NXPE2: variants seen among roughly 807,000 people sequenced by gnomAD.
The protein encoded by NXPE2 is NXPE family member 2.
A neutral mutation model predicts 34.4 loss-of-function variants in NXPE2; 34 were observed. That is an observed-to-expected ratio of 0.99 (90% CI 0.75 to 1.31). NXPE2 has a LOEUF of 1.31. NXPE2 is among the 40% of genes most tolerant of loss of function. The pLI, the probability that NXPE2 is intolerant of heterozygous loss-of-function variation, is 0.00. For synonymous variants in NXPE2, 235 were observed against 231.3 expected (o/e 1.02, Z -0.15); for missense variants, 649 against 672.5 (o/e 0.97, Z 0.39).
the NXPE2 span, among the ~76,000 whole-genome samples, chr11:114,467,255 A>G: frequency 6.6e-6 from 1 of 152,174 alleles, no homozygotes; most frequent in Non-Finnish European, 1.5e-5. Context: ...GTGGTGGTAA[A>G]AAATTTGCAG....
At chr11:114,585,185 C>T in the NXPE2 span, among the ~76,000 whole-genome samples, 1,440 of 151,788 alleles carry the variant, frequency 9.5e-3, 13 homozygotes, top group Non-Finnish European at 0.014. Context: ...ATCTGTCTTC[C>T]CCCAGTTCTG....
chr11:114,757,436 C>T, the NXPE2 span, among the ~76,000 whole-genome samples: 1 of 151,912 alleles, frequency 6.6e-6, no homozygotes, highest in African/African-American at 2.4e-5. Flanking sequence ...GTAACAGAAG[C>T]TCTTTCTTCC....
At chr11:114,633,956 A>G in the NXPE2 span, among the ~76,000 whole-genome samples, 2 of 152,024 alleles carry the variant, frequency 1.3e-5, no homozygotes, top group South Asian at 2.1e-4. Flanking sequence ...AGCATGATTT[A>G]TAGCCCTTTG....
At chr11:114,472,901 T>C in the NXPE2 span, among the ~76,000 whole-genome samples, 13 of 152,324 alleles carry the variant, frequency 8.5e-5, no homozygotes, top group Middle Eastern at 6.8e-3. Flanking sequence ...GGGGTTGTTT[T>C]GTTTTAAATG....
chr11:114,746,483 T>C, the NXPE2 span, among the ~76,000 whole-genome samples: 1 of 152,086 alleles, frequency 6.6e-6, no homozygotes, highest in African/African-American at 2.4e-5. Flanking sequence ...AAACATAAAT[T>C]CAAAGAACCA....
chr11:114,725,976 A>AAAAAATATATATATATATATATATATAT, the NXPE2 span, among the ~76,000 whole-genome samples: 6 of 101,746 alleles, frequency 5.9e-5, no homozygotes, highest in East Asian at 7.3e-4. Context: ...ATAAAAAAAA[A>AAAAAATATATATATATATATATATATAT]ATATATATAT....
the NXPE2 span, among the ~76,000 whole-genome samples, chr11:114,588,936 G>A: frequency 6.6e-6 from 1 of 152,160 alleles, no homozygotes; most frequent in Non-Finnish European, 1.5e-5. Flanking sequence ...GCATTTTGGA[G>A]AACCTCCTGA....
chr11:114,541,334 G>A, the NXPE2 span, among the ~76,000 whole-genome samples: 2 of 152,076 alleles, frequency 1.3e-5, no homozygotes, highest in African/African-American at 4.8e-5. Context: ...GATCAGACAA[G>A]GACTATGAAA....
the NXPE2 span, among the ~76,000 whole-genome samples, chr11:114,790,559 T>C: frequency 6.6e-6 from 1 of 152,146 alleles, no homozygotes; most frequent in Non-Finnish European, 1.5e-5. Context: ...CTATCCCCAA[T>C]TTCCCAGAAT....
At chr11:114,687,821 G>T (rs1028468114) in intron 2 of NXPE2, among the ~76,000 whole-genome samples, 1 of 151,772 alleles carries the variant, frequency 6.6e-6, no homozygotes, top group African/African-American at 2.4e-5. Context: ...CACCTCCTTG[G>T]TTAGATGTAT....
In NXPE2 at chr11:114,698,585, T is replaced by C; in HGVS notation, c.673T>C (p.Ser225Pro). 1.9e-6 allele frequency: 3 copies of C among 1,614,170 alleles called. No individual in the cohort carries two copies. Among genetic ancestry groups the C allele is most frequent in the Non-Finnish European group, 2.5e-6 (3 of 1,180,022 alleles). The change falls in exon 3 of 6, where the codon TCC (serine) becomes CCC (proline). Residue 225 changes from serine to proline, a missense_variant. Ser to Pro is a moderately conservative substitution (Grantham distance 74). Transcript: ENST00000389586. Reference protein sequence around the residue: ...IFTGLFANRSSNVFTECGLTL... With the variant: ...IFTGLFANRSPNVFTECGLTL... ...CACTGGCCTGTTTGCCAACAGAAGCTCCAATGTCTTCACTGAATGTGGCCT... is the reference window on the plus strand; with the variant it reads ...CACTGGCCTGTTTGCCAACAGAAGCCCCAATGTCTTCACTGAATGTGGCCT...
chr11:114,802,297 C>T, the NXPE2 span, among the ~76,000 whole-genome samples: 1 of 152,208 alleles, frequency 6.6e-6, no homozygotes, highest in Non-Finnish European at 1.5e-5. Flanking sequence ...TCTTTCAACT[C>T]AGTCTAATTC....
chr11:114,600,517 T>C, the NXPE2 span, among the ~76,000 whole-genome samples: 1 of 152,104 alleles, frequency 6.6e-6, no homozygotes, highest in African/African-American at 2.4e-5. Flanking sequence ...AATGTAATTA[T>C]GAGAAAATTT....
chr11:114,471,294 G>A, the NXPE2 span, among the ~76,000 whole-genome samples: 1 of 150,806 alleles, frequency 6.6e-6, no homozygotes, highest in South Asian at 2.1e-4. Context: ...TCTATTTTGA[G>A]TTAATTTTTG....
the NXPE2 span, among the ~76,000 whole-genome samples, chr11:114,808,829 C>A: frequency 6.6e-6 from 1 of 152,156 alleles, no homozygotes; most frequent in Admixed American, 6.6e-5. Context: ...GGGAATCCTG[C>A]CTAACTCATT....
the NXPE2 span, among the ~76,000 whole-genome samples, chr11:114,665,149 C>T: frequency 6.6e-6 from 1 of 152,080 alleles, no homozygotes; most frequent in Non-Finnish European, 1.5e-5. Context: ...CTTGCCACAT[C>T]TTTCCCATGT....
chr11:114,693,431 T>A (rs575798930), intron 2 of NXPE2, among the ~76,000 whole-genome samples: 1 of 152,314 alleles, frequency 6.6e-6, no homozygotes, highest in East Asian at 1.9e-4. Flanking sequence ...CCAAAGGCTT[T>A]GGGAATTTAA....
chr11:114,731,053 T>C, the NXPE2 span, among the ~76,000 whole-genome samples: 1 of 152,144 alleles, frequency 6.6e-6, no homozygotes, highest in East Asian at 1.9e-4. Context: ...GCTGTTATTA[T>C]TTTGAGGTAT....
chr11:114,660,524 C>A, the NXPE2 span, among the ~76,000 whole-genome samples: 1 of 151,852 alleles, frequency 6.6e-6, no homozygotes, highest in Non-Finnish European at 1.5e-5. Flanking sequence ...CTATGATAAT[C>A]TCAGTATAAA....
Sources: gnomAD v4.1 joint callset for allele counts (sites outside exome capture counted in the v4.1 genomes callset) on GRCh38, gnomAD v4.1.1 for gene constraint, MANE v1.5 for transcripts, NCBI Gene and HGNC (gene_info 2026-07-23, HGNC 2026-07-21) for gene names.